Variants in FOXP2 observed in about 807,000 individuals in gnomAD.
The protein encoded by FOXP2 is forkhead box protein P2.
In FOXP2, 12 loss-of-function variants were observed where a neutral mutation model predicts 115.8. That is an observed-to-expected ratio of 0.10 (90% CI 0.07 to 0.17). The LOEUF is 0.17. FOXP2 is among the 10% of genes least tolerant of loss of function. The pLI, the probability that FOXP2 is intolerant of heterozygous loss-of-function variation, is 1.00. For missense variants in FOXP2, 629 were observed against 843.5 expected, an observed-to-expected ratio of 0.75 and a Z score of 3.15; for synonymous variants, 328 against 297.7, an observed-to-expected ratio of 1.10 and a Z score of -1.05.
intron 2 of FOXP2, among the ~76,000 whole-genome samples, chr7:114,319,817 G>T (rs1339465379): frequency 6.6e-6 from 1 of 152,192 alleles, no homozygotes; most frequent in Non-Finnish European, 1.5e-5. Flanking sequence ...TATTTTGATT[G>T]CTGGCTGCTA....
In FOXP2 at chr7:114,514,682, T is replaced by G. The variant is rs191310358; in HGVS notation, c.169-19935T>G. 3.0e-4 allele frequency among the ~76,000 whole-genome samples: 45 copies of G among 151,248 alleles called. No individual in the cohort carries two copies. In the South Asian group the frequency reaches 6.8e-3, roughly 23 times the overall value. ...TCACATATTTCTTTTTTACATTCAA[T>G]TTATTTATTTATTTATTTATTTTTT... On this transcript the variant is annotated intron_variant, in intron 2 of 16. Coordinates refer to ENST00000350908, the MANE Select transcript of FOXP2 (RefSeq NM_014491.4).
chr7:114,497,198 G>A (rs927145903), intron 2 of FOXP2, among the ~76,000 whole-genome samples: 1 of 152,276 alleles, frequency 6.6e-6, no homozygotes, highest in South Asian at 2.1e-4. Flanking sequence ...TAGCACAGTA[G>A]CAGAGTTTAA....
chr7:114,471,975 AAAAG>A lies in FOXP2; in HGVS notation c.168+45302_168+45305del, dbSNP rs1796068759. Among the ~76,000 whole-genome samples, 5 of 152,066 alleles carry A rather than the reference AAAAG, an allele frequency of 3.3e-5. No individual in the cohort carries two copies. In the Middle Eastern group the frequency reaches 0.01, roughly 310 times the overall value. Reference sequence around the variant, plus strand: ...ACTCCATCTCAGGAAAAAAAAAAAAAAAAGAAAGACTTATTTTTTTCCAACTTGT... The same window carrying A: ...ACTCCATCTCAGGAAAAAAAAAAAAAAAAGACTTATTTTTTTCCAACTTGT... On this transcript the variant is annotated intron_variant, in intron 2 of 16. Transcript: ENST00000350908.
intron 1 of FOXP2, among the ~76,000 whole-genome samples, chr7:114,135,712 A>G (rs1663889550): frequency 6.6e-6 from 1 of 152,138 alleles, no homozygotes; most frequent in Admixed American, 6.5e-5. Context: ...AGAGAAATCT[A>G]TGATGTATTA....
chr7:114,615,181 T>C (rs1803865965), intron 3 of FOXP2, among the ~76,000 whole-genome samples: 2 of 152,180 alleles, frequency 1.3e-5, no homozygotes, highest in African/African-American at 4.8e-5. Context: ...ATCGTGCCAC[T>C]GCACTCAAAC....
At chr7:114,642,320 G>A in intron 6 of FOXP2, 90 bp from the exon 7 acceptor site, 2 of 978,324 alleles carry the variant, frequency 2.0e-6, no homozygotes, top group Non-Finnish European at 3.2e-6. Context: ...CACTGTTGTT[G>A]TTGGTATTAA....
intron 3 of FOXP2, among the ~76,000 whole-genome samples, chr7:114,587,787 C>T (rs1195346861): frequency 1.3e-5 from 2 of 148,736 alleles, no homozygotes; most frequent in African/African-American, 4.9e-5. Flanking sequence ...ATTTCCTAAA[C>T]CTGTATAGGA....
chr7:114,304,583 T>C (rs913282388), intron 2 of FOXP2, among the ~76,000 whole-genome samples: 5 of 145,752 alleles, frequency 3.4e-5, no homozygotes, highest in African/African-American at 1.3e-4. Flanking sequence ...AACATGAGAA[T>C]TGCTTGAACC....
intron 3 of FOXP2, among the ~76,000 whole-genome samples, chr7:114,603,757 A>C (rs1208859109): frequency 6.6e-6 from 1 of 152,174 alleles, no homozygotes. Flanking sequence ...CGAGTGATTA[A>C]ATTTTACCAT....
Position 114,693,533 on chromosome 7 carries a change from A to C in FOXP2, c.*3607A>C. The C allele has an allele frequency of 2.2e-6, 1 of 453,246 alleles. No homozygotes were observed. Among genetic ancestry groups the C allele is most frequent in the East Asian group, 6.9e-5 (1 of 14,402 alleles). 28.1% of individuals were successfully genotyped at this position (453,246 alleles called of 1,614,324 possible). A position where few individuals can be genotyped will look rare whatever the true frequency, so the allele number is the denominator to read the frequency against. On this transcript the variant is annotated 3_prime_UTR_variant, in exon 17 of 17. Coordinates refer to ENST00000350908, the MANE Select transcript of FOXP2 (RefSeq NM_014491.4). ...TTAAGTCTATAAAGCTATTGAAAGG[A>C]ACATGGCTTACCCTTGTTATTTCAC...
intron 2 of FOXP2, among the ~76,000 whole-genome samples, chr7:114,492,334 C>T (rs571195970): frequency 6.6e-6 from 1 of 152,082 alleles, no homozygotes; most frequent in East Asian, 1.9e-4. Flanking sequence ...AGCGGTCTAT[C>T]AATTTTGTTG....
chr7:114,212,818 G>GCCGGGAGACTGGAAAACATTT (rs1216391759), intron 1 of FOXP2, among the ~76,000 whole-genome samples: 1 of 152,154 alleles, frequency 6.6e-6, no homozygotes. Flanking sequence ...AATGAATATT[G>GCCGGGAGACTGGAAAACATTT]CCGGGAGACT....
At chr7:114,572,207 G>T (rs773925836) in intron 3 of FOXP2, among the ~76,000 whole-genome samples, 3 of 151,246 alleles carry the variant, frequency 2.0e-5, no homozygotes, top group Non-Finnish European at 4.4e-5. Flanking sequence ...AGTGGAAGCA[G>T]CAATAACATA....
intron 2 of FOXP2, among the ~76,000 whole-genome samples, chr7:114,430,874 A>G (rs1794076207): frequency 6.6e-6 from 1 of 151,994 alleles, no homozygotes; most frequent in African/African-American, 2.4e-5. Flanking sequence ...TTAAGCACAC[A>G]TAAGATATTT....
At chr7:114,217,205 A>T (rs1164916729) in intron 1 of FOXP2, among the ~76,000 whole-genome samples, 1 of 152,184 alleles carries the variant, frequency 6.6e-6, no homozygotes, top group Non-Finnish European at 1.5e-5. Flanking sequence ...TCATTAAAAA[A>T]TGGGATTGGC....
chr7:114,375,816 T>C (rs1792125085), intron 2 of FOXP2, among the ~76,000 whole-genome samples: 1 of 152,206 alleles, frequency 6.6e-6, no homozygotes, highest in South Asian at 2.1e-4. Context: ...CTGGAAAATC[T>C]GGGCTTAAAA....
chr7:114,136,037 A>G (rs547663365), intron 1 of FOXP2, among the ~76,000 whole-genome samples: 2 of 152,206 alleles, frequency 1.3e-5, no homozygotes, highest in African/African-American at 4.8e-5. Context: ...AGATACACCT[A>G]TCAGTGATAA....
intron 3 of FOXP2, among the ~76,000 whole-genome samples, chr7:114,584,193 C>T (rs1802011049): frequency 6.6e-6 from 1 of 152,094 alleles, no homozygotes; most frequent in Admixed American, 6.6e-5. Flanking sequence ...TACATCACAC[C>T]ATCTATGGCA....
chr7:114,653,401 G>GTCTC, intron 9 of FOXP2: 1 of 167,200 alleles, frequency 6.0e-6, no homozygotes, highest in Non-Finnish European at 1.3e-5. Flanking sequence ...CGACTCCGTG[G>GTCTC]CAGAGTTCAG....
Sources: allele counts gnomAD v4.1 joint callset (sites outside exome capture counted in the v4.1 genomes callset), GRCh38; gene constraint gnomAD v4.1.1; transcripts MANE v1.5; gene names NCBI Gene and HGNC (gene_info 2026-07-23, HGNC 2026-07-21).